Variants in SUGCT observed in about 807,000 individuals in gnomAD.
The protein encoded by SUGCT is succinyl-CoA:glutarate CoA-transferase.
SUGCT carries 41 observed loss-of-function variants against 55.0 expected under a neutral mutation model. The observed-to-expected ratio is 0.74, with a 90% CI of 0.58 to 0.97. The LOEUF is 0.97. Among genes scored for constraint, SUGCT ranks in the 50% least tolerant of loss-of-function variants. The pLI is 0.00. For synonymous variants in SUGCT, 187 were observed against 200.4 expected (o/e 0.93, Z 0.56); for missense variants, 568 against 547.8 (o/e 1.04, Z -0.37).
intron 13 of SUGCT, among the ~76,000 whole-genome samples, chr7:40,834,157 G>C (rs1201223251): frequency 6.6e-6 from 1 of 151,868 alleles, no homozygotes. Flanking sequence ...TGGGTGACTA[G>C]GTATGTCTTT....
chr7:40,361,516 G>A (rs529520358), intron 9 of SUGCT, among the ~76,000 whole-genome samples: 1 of 151,900 alleles, frequency 6.6e-6, no homozygotes, highest in African/African-American at 2.4e-5. Flanking sequence ...GGAGCTTGCA[G>A]TGAACTGAGA....
At chr7:40,827,111 A>C (rs1459081993) in intron 13 of SUGCT, among the ~76,000 whole-genome samples, 1 of 152,238 alleles carries the variant, frequency 6.6e-6, no homozygotes, top group Non-Finnish European at 1.5e-5. Context: ...ACAAAGGAAG[A>C]AGCTCAGTGT....
intron 12 of SUGCT, among the ~76,000 whole-genome samples, chr7:40,581,287 A>G (rs1305246282): frequency 6.6e-6 from 1 of 152,226 alleles, no homozygotes; most frequent in East Asian, 1.9e-4. Context: ...TGAAAATGGT[A>G]CTATGAGACA....
the SUGCT span, among the ~76,000 whole-genome samples, chr7:40,958,027 TTGTC>T: frequency 6.6e-6 from 1 of 152,162 alleles, no homozygotes; most frequent in African/African-American, 2.4e-5. Context: ...TGCAGAGAAA[TTGTC>T]TGTTAGTGTG....
At chr7:40,822,295 C>T (rs566186434) in intron 13 of SUGCT, among the ~76,000 whole-genome samples, 1 of 152,276 alleles carries the variant, frequency 6.6e-6, no homozygotes, top group African/African-American at 2.4e-5. Flanking sequence ...TGGTGCAGAG[C>T]TGAGTTCAAT....
At chr7:40,982,954 G>A in the SUGCT span, among the ~76,000 whole-genome samples, 2 of 152,118 alleles carry the variant, frequency 1.3e-5, no homozygotes, top group African/African-American at 4.8e-5. Context: ...TGGCCTAGTA[G>A]CACCTGATGA....
intron 11 of SUGCT, among the ~76,000 whole-genome samples, chr7:40,471,187 G>A (rs1790385272): frequency 6.6e-6 from 1 of 152,004 alleles, no homozygotes; most frequent in Non-Finnish European, 1.5e-5. Flanking sequence ...GAGAAAGTGA[G>A]AGAAATTGTG....
chr7:40,804,394 A>G (rs1790980075), intron 13 of SUGCT, among the ~76,000 whole-genome samples: 1 of 152,160 alleles, frequency 6.6e-6, no homozygotes, highest in Non-Finnish European at 1.5e-5. Flanking sequence ...TTAGAAAAGT[A>G]CCTGACACAT....
intron 6 of SUGCT, among the ~76,000 whole-genome samples, chr7:40,227,651 T>A (rs1788459068): frequency 6.6e-6 from 1 of 151,944 alleles, no homozygotes. Flanking sequence ...GTTGTATACG[T>A]CTCAATTATT....
At chr7:40,140,707 C>T (rs1341698332) in intron 1 of SUGCT, among the ~76,000 whole-genome samples, 2 of 151,924 alleles carry the variant, frequency 1.3e-5, no homozygotes, top group African/African-American at 4.8e-5. Flanking sequence ...CCCTATGTGT[C>T]TGTTTTTATA....
chr7:40,411,199 C>T (rs373306168), intron 9 of SUGCT, among the ~76,000 whole-genome samples: 4 of 152,202 alleles, frequency 2.6e-5, no homozygotes, highest in African/African-American at 4.8e-5. Context: ...TCAAGACCAA[C>T]CTGGCCAACA....
chr7:40,251,176 G>T (rs1043920837), intron 7 of SUGCT, among the ~76,000 whole-genome samples: 1 of 152,048 alleles, frequency 6.6e-6, no homozygotes, highest in African/African-American at 2.4e-5. Flanking sequence ...ATCATGTATT[G>T]ATTTCATGTT....
intron 12 of SUGCT, among the ~76,000 whole-genome samples, chr7:40,735,519 A>C (rs1787109950): frequency 1.3e-5 from 2 of 152,170 alleles, no homozygotes; most frequent in African/African-American, 4.8e-5. Flanking sequence ...CAGAGAAGCA[A>C]GCACTAGAAC....
chr7:40,331,353 T>C (rs1221470947), intron 9 of SUGCT, among the ~76,000 whole-genome samples: 1 of 152,196 alleles, frequency 6.6e-6, no homozygotes, highest in African/African-American at 2.4e-5. Flanking sequence ...TTGCTAGAGA[T>C]AGCAGCACAT....
At chr7:40,275,841 C>T (rs916457673) in intron 8 of SUGCT, among the ~76,000 whole-genome samples, 4 of 152,126 alleles carry the variant, frequency 2.6e-5, no homozygotes, top group Admixed American at 2.0e-4. Flanking sequence ...TGACATTTTG[C>T]CTTCTTTTCA....
intron 13 of SUGCT, among the ~76,000 whole-genome samples, chr7:40,787,660 C>CA (rs55764379): frequency 0.36 from 17,418 of 47,964 alleles, 3,220 homozygotes; most frequent in Non-Finnish European, 0.44. Context: ...AAATTTTGAC[C>CA]AAAAAAAAAA....
At chr7:40,538,234 G>C (rs1165913275) in intron 12 of SUGCT, 1 of 152,086 alleles carries the variant, frequency 6.6e-6, no homozygotes, top group Non-Finnish European at 1.5e-5. Context: ...CTACAGTAAA[G>C]GTAATGAACA....
intron 1 of SUGCT, among the ~76,000 whole-genome samples, chr7:40,166,572 A>G (rs1358845481): frequency 6.6e-6 from 1 of 152,146 alleles, no homozygotes; most frequent in Non-Finnish European, 1.5e-5. Flanking sequence ...ACGCCCATTC[A>G]AACAGCTAAC....
At chr7:40,555,058 A>G (rs1795490105) in intron 12 of SUGCT, among the ~76,000 whole-genome samples, 1 of 152,172 alleles carries the variant, frequency 6.6e-6, no homozygotes, top group Non-Finnish European at 1.5e-5. Context: ...TCTGTAGTAA[A>G]TATCTGGTGT....
Sources: allele counts gnomAD v4.1 joint callset (sites outside exome capture counted in the v4.1 genomes callset), GRCh38; gene constraint gnomAD v4.1.1; transcripts MANE v1.5; gene names NCBI Gene and HGNC (gene_info 2026-07-23, HGNC 2026-07-21).